Variants in ALMS1 observed in about 807,000 individuals in gnomAD.
ALMS1 encodes ALMS1 centrosome and basal body associated protein.
A neutral mutation model predicts 352.2 loss-of-function variants in ALMS1; 271 were observed. The ratio of observed to expected loss-of-function variants is 0.77; its 90% CI spans 0.70 to 0.85. The LOEUF is 0.85. ALMS1 is among the 40% of genes least tolerant of loss of function. The pLI is 0.00. For synonymous variants in ALMS1, 1,865 were observed against 1,761.2 expected, an observed-to-expected ratio of 1.06 and a Z score of -1.48; for missense variants, 5,445 against 4,870.7, an observed-to-expected ratio of 1.12 and a Z score of -3.51.
rs780931653 is a variant in ALMS1, at chr2:73,424,774, C to T, written c.1109C>T (p.Ala370Val). Residue 370 changes from alanine to valine, a missense_variant, in exon 5 of 23, where the codon GCA becomes GTA. Transcript: ENST00000613296. ...GCTGATAAAGATCAAGTTTCAGTTG[C>T]AACTTCATTTGACATAACTGATGAA... Reference protein sequence around the residue: ...NLADKDQVSVATSFDITDENI... With the variant: ...NLADKDQVSVVTSFDITDENI... The T allele has an allele frequency of 1.2e-6, 2 of 1,613,730 alleles. No homozygotes were observed. The highest frequency in any genetic ancestry group is 1.1e-5 in the South Asian group (1 of 91,024).
Position 73,506,049 on chromosome 2 carries a change from ATCCTT to A in ALMS1, c.9540-13723_9540-13719del, listed in dbSNP as rs376078605. Reference sequence around the variant, plus strand: ...CCCAGCACTATTTATTAAATAGGGAATCCTTTCTCCATTGCTTTTGTCAGGTTTGT... The same window carrying A: ...CCCAGCACTATTTATTAAATAGGGAATCTCCATTGCTTTTGTCAGGTTTGT... On this transcript the variant is annotated intron_variant, in intron 10 of 22. Coordinates refer to ENST00000613296, the MANE Select transcript of ALMS1 (RefSeq NM_001378454.1). 3.3e-5 allele frequency among the ~76,000 whole-genome samples: 5 copies of A among 152,308 alleles called. No homozygotes were observed. The East Asian group carries it at 9.6e-4, about 29-fold the overall frequency.
At chr2:73,401,161 A>G (rs1029199988) in intron 1 of ALMS1, among the ~76,000 whole-genome samples, 1 of 152,054 alleles carries the variant, frequency 6.6e-6, no homozygotes, top group East Asian at 1.9e-4. Context: ...GATTTTATTG[A>G]TCTTTTCAAA....
rs1281325565 is a variant in ALMS1 at position 73,395,004 on chromosome 2, GTA to G, written c.324+8820_324+8821del. 2.2e-5 allele frequency among the ~76,000 whole-genome samples: 3 copies of G among 138,578 alleles called. No individual in the cohort carries two copies. In the East Asian group the frequency reaches 6.4e-4, roughly 29 times the overall value. The allele number at this position is 138,578 out of a possible 152,430, so 90.9% of individuals were successfully genotyped here. A position where few individuals can be genotyped will look rare whatever the true frequency, so the allele number is the denominator to read the frequency against. On this transcript the variant is annotated intron_variant, in intron 1 of 22. Transcript: ENST00000613296. The stretch of plus-strand genomic sequence containing the variant: ...CATATATATGTGTATATATATATGT[GTA>G]TATATATGTGTATATATATGTGTAT...
Position 73,490,955 on chromosome 2 carries a change from A to G in ALMS1, c.8996A>G (p.Asn2999Ser). 4 of 1,614,212 alleles carry G rather than the reference A, an allele frequency of 2.5e-6. No individual in the cohort carries two copies. The highest frequency in any genetic ancestry group is 3.4e-6 in the Non-Finnish European group (4 of 1,180,036). ...CAGGATTGTGTAGTGGAAAAGAATAATCAACATAAGCCTAAATCACACATT... is the reference window on the plus strand; with the variant it reads ...CAGGATTGTGTAGTGGAAAAGAATAGTCAACATAAGCCTAAATCACACATT... ...QGQDCVVEKNNQHKPKSHISN... is the reference protein window; with the variant it reads ...QGQDCVVEKNSQHKPKSHISN... The change falls in exon 10 of 23, where the codon AAT (asparagine) becomes AGT (serine). Residue 2999 changes from asparagine (N) to serine (S), a missense_variant. Physicochemically the swap from Asn to Ser is conservative, Grantham distance 46 (BLOSUM62 1). Coordinates refer to ENST00000613296, the MANE Select transcript of ALMS1 (RefSeq NM_001378454.1).
At chr2:73,415,595 A>T (rs1049938328) in intron 2 of ALMS1, among the ~76,000 whole-genome samples, 2 of 152,320 alleles carry the variant, frequency 1.3e-5, no homozygotes, top group South Asian at 2.1e-4. Flanking sequence ...GGAGCGTTCA[A>T]TAGTTCTGAG....
At chr2:73,589,356 G>T (rs79620812) in intron 16 of ALMS1, among the ~76,000 whole-genome samples, 2,957 of 152,190 alleles carry the variant, frequency 0.019, 94 homozygotes, top group African/African-American at 0.067. Context: ...AATAGGATTA[G>T]AGAACTAGTA....
intron 1 of ALMS1, among the ~76,000 whole-genome samples, chr2:73,399,691 A>G (rs1026741735): frequency 6.6e-6 from 1 of 152,070 alleles, no homozygotes; most frequent in Non-Finnish European, 1.5e-5. Context: ...CAGATATCCA[A>G]ATCATATCAG....
intron 11 of ALMS1, among the ~76,000 whole-genome samples, chr2:73,533,105 A>G (rs1406063687): frequency 6.6e-6 from 1 of 152,182 alleles, no homozygotes; most frequent in African/African-American, 2.4e-5. Context: ...AGGTTGCAAG[A>G]GAAAGGTCTG....
intron 13 of ALMS1, 149 bp from the exon 14 acceptor site, chr2:73,557,071 C>T (rs866695986): frequency 6.8e-6 from 7 of 1,023,694 alleles, no homozygotes; most frequent in Middle Eastern, 3.0e-4. Flanking sequence ...ATTCATGTCA[C>T]AGTTTTTACA....
chr2:73,504,741 T>G (rs1164606890), intron 10 of ALMS1, among the ~76,000 whole-genome samples: 2 of 152,190 alleles, frequency 1.3e-5, no homozygotes, highest in Non-Finnish European at 2.9e-5. Context: ...ATGTACTTTT[T>G]TTTTTATACT....
In ALMS1 at chr2:73,519,736, A is replaced by G. The variant is rs761540395; in HGVS notation, c.9540-39A>G. On this transcript the variant is annotated intron_variant, in intron 10 of 22. Transcript: ENST00000613296. ...AAGAGATTTCAGTCTCTAATGGCCA[A>G]GGATATAATCTGCTGTATTCTTTCT... The G allele has an allele frequency of 5.6e-6, 9 of 1,612,792 alleles. No individual in the cohort carries two copies. The African/African-American group carries it at 1.2e-4, about 22-fold the overall frequency.
rs202110907 is a variant in ALMS1 at position 73,490,877 on chromosome 2, C to T, written c.8918C>T (p.Ala2973Val). 9.2e-5 allele frequency: 148 copies of T among 1,614,092 alleles called. No homozygotes were observed. The East Asian group carries it at 2.7e-3, about 30-fold the overall frequency. Residue 2973 changes from alanine to valine, a missense_variant, in exon 10 of 23, where the codon GCG becomes GTG. Coordinates refer to ENST00000613296, the MANE Select transcript of ALMS1 (RefSeq NM_001378454.1). ...PISLEQCQSK[A>V]PGVDDQMNKH... Reference sequence around the variant, plus strand: ...TCTCTTGAACAATGCCAAAGCAAAGCGCCAGGTGTAGATGACCAAATGAAT... The same window carrying T: ...TCTCTTGAACAATGCCAAAGCAAAGTGCCAGGTGTAGATGACCAAATGAAT...
At chr2:73,538,703 A>G (rs1454675055) in intron 12 of ALMS1, among the ~76,000 whole-genome samples, 1 of 152,168 alleles carries the variant, frequency 6.6e-6, no homozygotes, top group Non-Finnish European at 1.5e-5. Flanking sequence ...GCGCTTTTCC[A>G]ACGGGCTTAA....
At position 73,386,210 on chromosome 2, in the gene ALMS1, G is replaced by A. The variant is rs1553396316; in HGVS notation, c.324+18G>A. The A allele has an allele frequency of 6.6e-7, 1 of 1,514,648 alleles. No homozygotes were observed. The highest frequency in any genetic ancestry group is 1.2e-5 in the South Asian group (1 of 81,308). The allele number at this position is 1,514,648 out of a possible 1,614,324, so 93.8% of individuals were successfully genotyped here. ...TGGAGAAGGTGAGGCGGGCCGGGGA[G>A]GGGTGTGGAGCCGCGGCGAGTTGGG... On this transcript the variant is annotated intron_variant, in intron 1 of 22. Transcript: ENST00000613296.
At position 73,448,047 on chromosome 2, in the gene ALMS1, G is replaced by T; in HGVS notation, c.1520G>T (p.Gly507Val). The T allele has an allele frequency of 1.2e-6, 2 of 1,613,898 alleles. No homozygotes were observed. Among genetic ancestry groups the T allele is most frequent in the East Asian group, 2.2e-5 (1 of 44,884 alleles). ...ITTTPVDSDI[G>V]SHLSLSLEDL... ...ACCACTCCTGTTGATTCAGACATTG[G>T]ATCTCATTTATCCTTGTCCCTTGAG... Residue 507 changes from glycine (G) to valine (V), a missense_variant, in exon 8 of 23, where the codon GGA becomes GTA. Coordinates refer to ENST00000613296, the MANE Select transcript of ALMS1 (RefSeq NM_001378454.1).
chr2:73,514,975 A>G lies in ALMS1; in HGVS notation c.9540-4800A>G, dbSNP rs547907196. 3.3e-5 allele frequency among the ~76,000 whole-genome samples: 5 copies of G among 152,256 alleles called. No homozygotes were observed. In the East Asian group the frequency reaches 7.7e-4, roughly 23 times the overall value. On this transcript the variant is annotated intron_variant, in intron 10 of 22. Transcript: ENST00000613296. ...TTCACTGAGCTTCTTAACTCAGTAG[A>G]TTAAGTCTTCTACCTGTTTTGGAAA... is the stretch of plus-strand genomic sequence containing the variant.
chr2:73,406,926 A>G (rs750296231), intron 1 of ALMS1, among the ~76,000 whole-genome samples: 1 of 152,236 alleles, frequency 6.6e-6, no homozygotes, highest in Non-Finnish European at 1.5e-5. Flanking sequence ...CACCTGGCCA[A>G]AGTTATTAGT....
chr2:73,476,808 A>T (rs1672592335), intron 9 of ALMS1, among the ~76,000 whole-genome samples: 1 of 152,008 alleles, frequency 6.6e-6, no homozygotes, highest in East Asian at 1.9e-4. Context: ...TATGTTCTGG[A>T]TATTAACCTT....
chr2:73,531,748 A>T (rs970704368), intron 11 of ALMS1, among the ~76,000 whole-genome samples: 1 of 152,234 alleles, frequency 6.6e-6, no homozygotes, highest in Non-Finnish European at 1.5e-5. Context: ...ACAGTTCCAC[A>T]TGGTTGGGGA....
Sources: allele counts gnomAD v4.1 joint callset (sites outside exome capture counted in the v4.1 genomes callset), GRCh38; gene constraint gnomAD v4.1.1; transcripts MANE v1.5; gene names NCBI Gene and HGNC (gene_info 2026-07-23, HGNC 2026-07-21).